SLC16A12: variants seen among roughly 807,000 people sequenced by gnomAD.
SLC16A12 encodes monocarboxylate transporter 12.
SLC16A12 carries 17 observed loss-of-function variants against 42.4 expected under a neutral mutation model. The observed-to-expected ratio is 0.40, with a 90% CI of 0.27 to 0.60. SLC16A12 has a LOEUF of 0.60. Among genes scored for constraint, SLC16A12 ranks in the 20% least tolerant of loss-of-function variants. The pLI is 0.42. For synonymous variants in SLC16A12, 224 were observed against 229.4 expected (o/e 0.98, Z 0.21); for missense variants, 544 against 623.0 (o/e 0.87, Z 1.35).
intron 3 of SLC16A12, among the ~76,000 whole-genome samples, chr10:89,444,258 A>C (rs1841962302): frequency 1.3e-5 from 2 of 152,234 alleles, no homozygotes; most frequent in African/African-American, 4.8e-5. Flanking sequence ...TAAAGGAAAT[A>C]ATCAGGTGAT....
chr10:89,489,809 T>G (rs758386727), intron 2 of SLC16A12, among the ~76,000 whole-genome samples: 1 of 152,168 alleles, frequency 6.6e-6, no homozygotes, highest in Non-Finnish European at 1.5e-5. Context: ...AAACACATAA[T>G]AAGGTCTGTT....
chr10:89,443,525 A>C (rs1289857113), intron 4 of SLC16A12, among the ~76,000 whole-genome samples: 2 of 152,208 alleles, frequency 1.3e-5, no homozygotes, highest in African/African-American at 4.8e-5. Flanking sequence ...TTTTGAGTGT[A>C]TTATCTAACT....
At chr10:89,511,740 CAAAT>C (rs981578629) in intron 2 of SLC16A12, among the ~76,000 whole-genome samples, 5 of 151,936 alleles carry the variant, frequency 3.3e-5, no homozygotes, top group Non-Finnish European at 5.9e-5. Flanking sequence ...TAATAATAAA[CAAAT>C]AAAATTTAAA....
chr10:89,491,241 G>A (rs1002343743), intron 2 of SLC16A12, among the ~76,000 whole-genome samples: 13 of 152,154 alleles, frequency 8.5e-5, no homozygotes, highest in African/African-American at 3.1e-4. Flanking sequence ...AGAGGGGATG[G>A]TTTTCTAACA....
At chr10:89,539,865 C>CTTTCTTTCTTTCTT (rs1843701451), upstream of SLC16A12, among the ~76,000 whole-genome samples, 4 of 131,294 alleles carry the variant, frequency 3.0e-5, no homozygotes, top group Admixed American at 1.5e-4. Flanking sequence ...ATTTTTCTTT[C>CTTTCTTTCTTTCTT]TTTCTTTCTT....
intron 2 of SLC16A12, among the ~76,000 whole-genome samples, chr10:89,507,271 A>C (rs769392425): frequency 6.6e-6 from 1 of 152,114 alleles, no homozygotes; most frequent in Non-Finnish European, 1.5e-5. Context: ...ACACAAAATC[A>C]TCAGACTCAC....
At position 89,438,999 on chromosome 10, in the gene SLC16A12, C is replaced by T. The variant is rs1382206708; in HGVS notation, c.633G>A (p.Gly211=). The T allele has an allele frequency of 1.2e-6, 2 of 1,614,006 alleles. No individual in the cohort carries two copies. The highest frequency in any genetic ancestry group is 8.5e-7 in the Non-Finnish European group (1 of 1,180,040). Reference sequence around the variant, plus strand: ...ATACACAGAGATTCAAGACAAAGCCCCCAAGAATGAGTAAGGCTCCCCGCC... The same window carrying T: ...ATACACAGAGATTCAAGACAAAGCCTCCAAGAATGAGTAAGGCTCCCCGCC... ...FSWRGALLIL[G]GFVLNLCVCG... The change falls in exon 6 of 8, where the codon GGG becomes GGA. Residue 211 remains glycine, a synonymous_variant. Transcript: ENST00000371790.
At chr10:89,518,777 C>T (rs1843300502) in intron 2 of SLC16A12, among the ~76,000 whole-genome samples, 2 of 152,112 alleles carry the variant, frequency 1.3e-5, no homozygotes, top group Admixed American at 1.3e-4. Context: ...ACTCTCTTTC[C>T]ACCTACCCAA....
chr10:89,445,343 C>T (rs1355193969), intron 3 of SLC16A12, among the ~76,000 whole-genome samples: 1 of 152,226 alleles, frequency 6.6e-6, no homozygotes, highest in Non-Finnish European at 1.5e-5. Flanking sequence ...CCAACTGACA[C>T]CTCATACAGC....
chr10:89,489,756 T>TA (rs1162432622), intron 2 of SLC16A12, among the ~76,000 whole-genome samples: 1 of 152,248 alleles, frequency 6.6e-6, no homozygotes, highest in Non-Finnish European at 1.5e-5. Context: ...TATTTTACAC[T>TA]ATATTTTTGA....
chr10:89,448,391 CA>C (rs1842037834), intron 3 of SLC16A12, among the ~76,000 whole-genome samples: 2 of 152,206 alleles, frequency 1.3e-5, no homozygotes, highest in South Asian at 4.2e-4. Flanking sequence ...CCAAATCCAT[CA>C]AAAAACTTAT....
At chr10:89,454,702 C>A (rs1471009021) in intron 3 of SLC16A12, among the ~76,000 whole-genome samples, 2 of 151,834 alleles carry the variant, frequency 1.3e-5, no homozygotes, top group East Asian at 3.9e-4. Context: ...TCTTTAGTCT[C>A]AAGATAACCT....
chr10:89,441,166 G>A lies in SLC16A12; in HGVS notation c.390C>T (p.Ile130=), dbSNP rs774279072. Residue 130 remains isoleucine, a synonymous_variant, in exon 5 of 8, where the codon ATC becomes ATT. Transcript: ENST00000371790. The part of the protein sequence containing the change: ...LGGLLASTGL[I]LSSFATSLKH... ...TCAGACTCGTGGCAAATGAGCTCAG[G>A]ATGAGTCCAGTAGATGCAAGCAAGC... 1 of 1,613,954 alleles carries A rather than the reference G, an allele frequency of 6.2e-7. No individual in the cohort carries two copies. The highest frequency in any genetic ancestry group is 1.1e-5 in the South Asian group (1 of 91,076).
intron 2 of SLC16A12, among the ~76,000 whole-genome samples, chr10:89,516,317 G>C (rs775412837): frequency 1.3e-5 from 2 of 152,162 alleles, no homozygotes; most frequent in African/African-American, 4.8e-5. Context: ...CCCTCCCGAT[G>C]ATGTCACCAC....
intron 3 of SLC16A12, among the ~76,000 whole-genome samples, chr10:89,449,403 A>T (rs969151621): frequency 1.2e-3 from 185 of 152,322 alleles, no homozygotes; most frequent in African/African-American, 4.1e-3. Context: ...CTGGTACCAA[A>T]ACAGAGATAT....
chr10:89,504,458 T>C (rs761594399), intron 2 of SLC16A12, among the ~76,000 whole-genome samples: 1 of 152,094 alleles, frequency 6.6e-6, no homozygotes, highest in Non-Finnish European at 1.5e-5. Flanking sequence ...AAAATATATA[T>C]ATTATTGTAC....
chr10:89,505,377 T>C (rs2133828561), intron 2 of SLC16A12, among the ~76,000 whole-genome samples: 1 of 151,898 alleles, frequency 6.6e-6, no homozygotes, highest in African/African-American at 2.4e-5. Flanking sequence ...ATCATGCCAC[T>C]GCACTCCTGC....
chr10:89,529,795 G>A (rs1164343112), intron 2 of SLC16A12, among the ~76,000 whole-genome samples: 1 of 151,986 alleles, frequency 6.6e-6, no homozygotes, highest in Admixed American at 6.6e-5. Context: ...TGATCCACCC[G>A]CCTCAACCTC....
chr10:89,555,698 C>CAT (rs57404736), intron 2 of SLC16A12, among the ~76,000 whole-genome samples: 1,251 of 124,640 alleles, frequency 0.01, 13 homozygotes, highest in South Asian at 0.027. Flanking sequence ...CACATATATA[C>CAT]ATATATATAT....
Sources: gnomAD v4.1 joint callset for allele counts (sites outside exome capture counted in the v4.1 genomes callset) on GRCh38, gnomAD v4.1.1 for gene constraint, MANE v1.5 for transcripts, NCBI Gene and HGNC (gene_info 2026-07-23, HGNC 2026-07-21) for gene names.